The following PRIM2 variants were observed in gnomAD, a reference collection of about 807,000 sequenced individuals.
PRIM2 encodes the protein DNA primase subunit 2.
Under a neutral mutation model 67.3 loss-of-function variants are expected in PRIM2, and 39 were observed. The ratio of observed to expected loss-of-function variants is 0.58; its 90% CI spans 0.45 to 0.76. PRIM2 has a LOEUF of 0.76. PRIM2 is among the 30% of genes least tolerant of loss of function. The pLI is 0.00. For missense variants in PRIM2, 398 were observed against 598.7 expected, an observed-to-expected ratio of 0.66 and a Z score of 3.50; for synonymous variants, 143 against 198.7, an observed-to-expected ratio of 0.72 and a Z score of 2.36.
At chr6:57,294,433 A>T in the PRIM2 span, among the ~76,000 whole-genome samples, 1 of 152,166 alleles carries the variant, frequency 6.6e-6, no homozygotes, top group African/African-American at 2.4e-5. Context: ...GTGAGCCGAG[A>T]TCGTGCTACT....
intron 5 of PRIM2, among the ~76,000 whole-genome samples, chr6:57,368,089 T>C (rs1769424332): frequency 6.6e-6 from 1 of 152,254 alleles, no homozygotes; most frequent in Non-Finnish European, 1.5e-5. Flanking sequence ...GAAATGATAA[T>C]AACAGTATTA....
At chr6:57,477,259 C>G (rs1773497715) in intron 7 of PRIM2, among the ~76,000 whole-genome samples, 1 of 152,112 alleles carries the variant, frequency 6.6e-6, no homozygotes, top group South Asian at 2.1e-4. Flanking sequence ...CCCTAAAGTT[C>G]TGGGATTATA....
chr6:57,639,045 T>A (rs1335724545), intron 13 of PRIM2, among the ~76,000 whole-genome samples: 43 of 150,970 alleles, frequency 2.8e-4, no homozygotes, highest in African/African-American at 9.4e-4. Flanking sequence ...AATGGAAATC[T>A]TAACAGTCTC....
chr6:57,318,802 T>A (rs771010104), intron 2 of PRIM2, among the ~76,000 whole-genome samples: 1 of 152,206 alleles, frequency 6.6e-6, no homozygotes, highest in Non-Finnish European at 1.5e-5. Context: ...TATTGTACAA[T>A]GCATATTATT....
intron 5 of PRIM2, among the ~76,000 whole-genome samples, chr6:57,378,348 G>T (rs1228623266): frequency 6.6e-6 from 1 of 151,290 alleles, no homozygotes; most frequent in African/African-American, 2.4e-5. Context: ...TTATAGACGT[G>T]AGCCACCGTG....
intron 12 of PRIM2, among the ~76,000 whole-genome samples, chr6:57,617,917 G>A (rs1328138526): frequency 6.6e-6 from 1 of 152,154 alleles, no homozygotes; most frequent in African/African-American, 2.4e-5. Context: ...AATTTTTGTA[G>A]ATGGTATGAT....
intron 12 of PRIM2, among the ~76,000 whole-genome samples, chr6:57,620,054 G>T (rs1776823810): frequency 6.6e-6 from 1 of 152,066 alleles, no homozygotes; most frequent in African/African-American, 2.4e-5. Flanking sequence ...AAGTTAGCTG[G>T]GCGTGGTGAC....
chr6:57,493,845 T>G (rs1357460588), intron 7 of PRIM2: 7 of 152,162 alleles, frequency 4.6e-5, no homozygotes, highest in African/African-American at 4.8e-5. Flanking sequence ...TCCTTTTCCC[T>G]TTTCCTAGGA....
intron 9 of PRIM2, among the ~76,000 whole-genome samples, chr6:57,537,195 T>G (rs1483403719): frequency 6.6e-6 from 1 of 152,144 alleles, no homozygotes; most frequent in African/African-American, 2.4e-5. Flanking sequence ...TAAAATAAAT[T>G]TTAATAGTAT....
chr6:57,637,040 C>A (rs1344027435), intron 13 of PRIM2, among the ~76,000 whole-genome samples: 2 of 152,138 alleles, frequency 1.3e-5, no homozygotes, highest in Non-Finnish European at 2.9e-5. Flanking sequence ...CCCTCTGGGA[C>A]GAAGCTTCCA....
intron 2 of PRIM2, among the ~76,000 whole-genome samples, chr6:57,319,809 A>C (rs1330961185): frequency 1.3e-5 from 2 of 152,130 alleles, no homozygotes; most frequent in African/African-American, 2.4e-5. Flanking sequence ...GAATGAGGGG[A>C]GGATAATTAA....
intron 8 of PRIM2, among the ~76,000 whole-genome samples, chr6:57,530,625 G>A (rs1350845179): frequency 6.6e-6 from 1 of 152,026 alleles, no homozygotes; most frequent in Non-Finnish European, 1.5e-5. Context: ...CTCAGTATTA[G>A]TCTACTCATC....
intron 7 of PRIM2, among the ~76,000 whole-genome samples, chr6:57,397,805 T>G (rs1264470598): frequency 6.6e-6 from 1 of 152,050 alleles, no homozygotes; most frequent in East Asian, 1.9e-4. Flanking sequence ...TTTGGTGATT[T>G]CTTGTCTTTT....
At chr6:57,482,438 G>A (rs2127406145) in intron 7 of PRIM2, among the ~76,000 whole-genome samples, 1 of 152,286 alleles carries the variant, frequency 6.6e-6, no homozygotes, top group Non-Finnish European at 1.5e-5. Context: ...ATAGACATTG[G>A]TGGTCAGCAC....
chr6:57,384,835 C>T (rs1054709702), intron 7 of PRIM2, among the ~76,000 whole-genome samples: 4 of 152,130 alleles, frequency 2.6e-5, no homozygotes, highest in Non-Finnish European at 4.4e-5. Flanking sequence ...AGCCAAGCTG[C>T]CCAGTGCCCA....
At chr6:57,399,114 A>G (rs1323874338) in intron 7 of PRIM2, among the ~76,000 whole-genome samples, 1 of 152,038 alleles carries the variant, frequency 6.6e-6, no homozygotes, top group Non-Finnish European at 1.5e-5. Context: ...ATATGTATAC[A>G]TGTGTCATGT....
At chr6:57,537,880 A>G (rs1775032019) in intron 10 of PRIM2, among the ~76,000 whole-genome samples, 2 of 152,224 alleles carry the variant, frequency 1.3e-5, no homozygotes, top group Non-Finnish European at 2.9e-5. Context: ...TTTCAGAGTT[A>G]TATATCTGTA....
chr6:57,255,083 C>T, the PRIM2 span, among the ~76,000 whole-genome samples: 1 of 152,260 alleles, frequency 6.6e-6, no homozygotes, highest in Admixed American at 6.5e-5. Context: ...GCAGCCTGAC[C>T]CTCAGCTTGG....
At position 57,646,024 on chromosome 6, in the gene PRIM2, A is replaced by C; in HGVS notation, c.1396A>C (p.Ile466Leu). ...TGGTAAAGACATAAAGAAGGAACCT[A>C]TCCAACCAGAAACTCCTCAACCCAA... The part of the protein sequence containing the change: ...NGGKDIKKEP[I>L]QPETPQPKPS... Residue 466 changes from isoleucine (I) to leucine (L), a missense_variant, in exon 14 of 14, where the codon ATC (isoleucine) becomes CTC (leucine). Around this residue, in one of 4 missense-constraint regions of PRIM2, gnomAD observed 72 missense variants for 89.4 expected, o/e 0.81. Coordinates refer to ENST00000615550, the MANE Select transcript of PRIM2 (RefSeq NM_000947.5). 6 of 1,603,282 alleles carry C rather than the reference A, an allele frequency of 3.7e-6. No individual in the cohort carries two copies. The African/African-American group carries it at 5.3e-5, about 14-fold the overall frequency.
Sources: gnomAD v4.1 joint callset for allele counts (sites outside exome capture counted in the v4.1 genomes callset) on GRCh38, gnomAD v4.1.1 for gene constraint, gnomAD v4.1.1 regional missense constraint, MANE v1.5 for transcripts, NCBI Gene and HGNC (gene_info 2026-07-23, HGNC 2026-07-21) for gene names.